KCNJ6: variants seen among roughly 807,000 people sequenced by gnomAD.
KCNJ6 encodes potassium inwardly rectifying channel subfamily J member 6, also known as G protein-activated inward rectifier potassium channel 2.
KCNJ6 carries 9 observed loss-of-function variants against 34.2 expected under a neutral mutation model. That is an observed-to-expected ratio of 0.26 (90% CI 0.16 to 0.46). KCNJ6 has a LOEUF of 0.46. Ranked by LOEUF, KCNJ6 falls within the 20% of genes least tolerant of loss-of-function variation. KCNJ6 has a pLI of 1.00. For missense variants in KCNJ6, 236 were observed against 531.3 expected (o/e 0.44, Z 5.46); for synonymous variants, 196 against 207.1 (o/e 0.95, Z 0.46).
intron 2 of KCNJ6, among the ~76,000 whole-genome samples, chr21:37,756,888 C>A (rs2055031080): frequency 7.0e-6 from 1 of 141,920 alleles, no homozygotes; most frequent in African/African-American, 2.6e-5. Flanking sequence ...CCGGAGTGAG[C>A]ACTCCCTCAC....
chr21:37,864,873 T>TC (rs1568877190), intron 1 of KCNJ6, among the ~76,000 whole-genome samples: 1 of 108,058 alleles, frequency 9.3e-6, no homozygotes, highest in East Asian at 2.5e-4. Context: ...CTCTCTCTCT[T>TC]TTTTTTTTTT....
At chr21:37,831,292 T>C (rs2055424716) in intron 2 of KCNJ6, among the ~76,000 whole-genome samples, 1 of 152,234 alleles carries the variant, frequency 6.6e-6, no homozygotes, top group African/African-American at 2.4e-5. Context: ...GCTTTTGCTT[T>C]CAATCAAAGG....
chr21:37,730,700 C>G (rs2054879935), intron 2 of KCNJ6, among the ~76,000 whole-genome samples: 2 of 152,228 alleles, frequency 1.3e-5, no homozygotes, highest in Admixed American at 1.3e-4. Context: ...ACAAAACCTG[C>G]ATAGTGCCCC....
At chr21:37,791,591 A>G (rs2055217160) in intron 2 of KCNJ6, among the ~76,000 whole-genome samples, 1 of 152,228 alleles carries the variant, frequency 6.6e-6, no homozygotes, top group East Asian at 1.9e-4. Context: ...TACATAAAAG[A>G]AAATATAATT....
intron 2 of KCNJ6, among the ~76,000 whole-genome samples, chr21:37,756,344 G>C (rs916409177): frequency 6.6e-6 from 1 of 152,226 alleles, no homozygotes; most frequent in Non-Finnish European, 1.5e-5. Flanking sequence ...ACCACCCATT[G>C]AAGACAGTGT....
At position 37,612,363 on chromosome 21, in the gene KCNJ6, T is replaced by G. The variant is rs1351289757; in HGVS notation, c.*12796A>C. 4 of 152,192 alleles carry G rather than the reference T, an allele frequency of 2.6e-5. No individual in the cohort carries two copies. Among genetic ancestry groups the G allele is most frequent in the African/African-American group, 9.6e-5 (4 of 41,460 alleles). 9.4% of individuals were successfully genotyped at this position (152,192 alleles called of 1,614,324 possible). On this transcript the variant is annotated 3_prime_UTR_variant, in exon 4 of 4. Coordinates refer to ENST00000609713, the MANE Select transcript of KCNJ6 (RefSeq NM_002240.5). ...CTGGTGAATGATATCAAAGAAGAACTAAGTAAATACAGAGATATTCCATTT... is the reference window on the plus strand; with the variant it reads ...CTGGTGAATGATATCAAAGAAGAACGAAGTAAATACAGAGATATTCCATTT...
At chr21:37,814,169 T>C (rs1474433918) in intron 2 of KCNJ6, among the ~76,000 whole-genome samples, 2 of 152,228 alleles carry the variant, frequency 1.3e-5, no homozygotes, top group Non-Finnish European at 2.9e-5. Context: ...TCAACATCAT[T>C]GATCATCAAA....
chr21:37,762,341 C>T (rs1292475302), intron 2 of KCNJ6, among the ~76,000 whole-genome samples: 3 of 152,172 alleles, frequency 2.0e-5, no homozygotes, highest in African/African-American at 4.8e-5. Flanking sequence ...AGCAGCTCAT[C>T]TAAGTTACAG....
chr21:37,851,579 C>T (rs12483485), intron 1 of KCNJ6, among the ~76,000 whole-genome samples: 4,989 of 152,076 alleles, frequency 0.033, 156 homozygotes, highest in Admixed American at 0.1. Context: ...AGAAGGTGAC[C>T]CCTTTGTTAG....
At chr21:37,719,832 TTGTTGCATTTCAGGTACAGC>T (rs1053150095) in intron 2 of KCNJ6, among the ~76,000 whole-genome samples, 6 of 152,186 alleles carry the variant, frequency 3.9e-5, no homozygotes, top group African/African-American at 1.4e-4. Flanking sequence ...TGGGATTGTG[TTGTTGCATTTCAGGTACAGC>T]TCTTGTTGCA....
chr21:37,697,365 G>C (rs769519290), intron 3 of KCNJ6, among the ~76,000 whole-genome samples: 3 of 152,290 alleles, frequency 2.0e-5, no homozygotes, highest in Admixed American at 6.5e-5. Flanking sequence ...TCGATTGGCT[G>C]GGGGAAAGGA....
At chr21:37,756,080 G>A (rs569137445) in intron 2 of KCNJ6, among the ~76,000 whole-genome samples, 63 of 152,304 alleles carry the variant, frequency 4.1e-4, no homozygotes, top group African/African-American at 1.3e-3. Flanking sequence ...CAGCACCCTC[G>A]TTTGTAAAGC....
At chr21:37,799,613 T>C (rs2055259823) in intron 2 of KCNJ6, among the ~76,000 whole-genome samples, 1 of 152,190 alleles carries the variant, frequency 6.6e-6, no homozygotes, top group African/African-American at 2.4e-5. Flanking sequence ...TTTGTGTGAA[T>C]AAATCAGATA....
intron 3 of KCNJ6, among the ~76,000 whole-genome samples, chr21:37,662,155 A>T (rs2054492551): frequency 6.6e-6 from 1 of 152,158 alleles, no homozygotes; most frequent in Admixed American, 6.5e-5. Context: ...TTTGTTACAT[A>T]GGTAAATGTG....
At position 37,735,949 on chromosome 21, in the gene KCNJ6, C is replaced by G. The variant is rs558378804; in HGVS notation, c.26-20818G>C. 3.9e-5 allele frequency among the ~76,000 whole-genome samples: 6 copies of G among 152,310 alleles called. 1 individual carries two copies. Among genetic ancestry groups the G allele is most frequent in the Admixed American group, 1.3e-4 (2 of 15,302 alleles). On this transcript the variant is annotated intron_variant, in intron 2 of 3. Transcript: ENST00000609713. The stretch of plus-strand genomic sequence containing the variant: ...CTATGGGATGAGCCATTGGGAAGCA[C>G]ATGGGGTCAGCACTCTGAGAATAAT...
intron 3 of KCNJ6, among the ~76,000 whole-genome samples, chr21:37,637,632 TTAAG>T (rs1326903531): frequency 2.6e-5 from 4 of 152,150 alleles, no homozygotes; most frequent in Non-Finnish European, 5.9e-5. Context: ...CAAAGACAGA[TTAAG>T]TAACTTCTCT....
chr21:37,684,122 T>C (rs1783050), intron 3 of KCNJ6, among the ~76,000 whole-genome samples: 148,885 of 152,326 alleles, frequency 0.98, 72,799 homozygotes, highest in East Asian at 1. Flanking sequence ...GTGGCTTGAA[T>C]GACAGAAATG....
chr21:37,640,415 C>T (rs2054375864), intron 3 of KCNJ6, among the ~76,000 whole-genome samples: 1 of 152,242 alleles, frequency 6.6e-6, no homozygotes, highest in Admixed American at 6.5e-5. Context: ...CAATGTGAAG[C>T]ATCACATGTG....
At chr21:37,820,079 T>C (rs897445060) in intron 2 of KCNJ6, among the ~76,000 whole-genome samples, 5 of 152,140 alleles carry the variant, frequency 3.3e-5, no homozygotes. Context: ...TGAACCACTG[T>C]GCCTGGCCCA....
Sources: allele counts gnomAD v4.1 joint callset (sites outside exome capture counted in the v4.1 genomes callset), GRCh38; gene constraint gnomAD v4.1.1; transcripts MANE v1.5; gene names NCBI Gene and HGNC (gene_info 2026-07-23, HGNC 2026-07-21).